LRRTM4: variants seen among roughly 807,000 people sequenced by gnomAD.
LRRTM4 encodes the protein leucine rich repeat transmembrane neuronal 4, also known as leucine-rich repeat transmembrane neuronal protein 4.
LRRTM4 carries 25 observed loss-of-function variants against 47.6 expected under a neutral mutation model. The ratio of observed to expected loss-of-function variants is 0.53; its 90% CI spans 0.38 to 0.73. LRRTM4 has a LOEUF of 0.73. LRRTM4 is among the 30% of genes least tolerant of loss of function. LRRTM4 has a pLI of 0.00. For missense variants in LRRTM4, 638 were observed against 713.4 expected (o/e 0.89, Z 1.20); for synonymous variants, 311 against 269.5 (o/e 1.15, Z -1.51).
intron 3 of LRRTM4, among the ~76,000 whole-genome samples, chr2:76,980,359 T>G (rs1676563454): frequency 6.6e-6 from 1 of 152,080 alleles, no homozygotes. Context: ...AATAAAAGTG[T>G]AGTGTCTTGT....
chr2:76,778,690 G>C (rs1310646367), intron 3 of LRRTM4, among the ~76,000 whole-genome samples: 11 of 150,912 alleles, frequency 7.3e-5, no homozygotes, highest in African/African-American at 2.2e-4. Flanking sequence ...TATCAATTTT[G>C]TTGATCCTTT....
intron 3 of LRRTM4, among the ~76,000 whole-genome samples, chr2:76,892,808 T>C (rs1673296529): frequency 6.6e-6 from 1 of 151,670 alleles, no homozygotes; most frequent in African/African-American, 2.4e-5. Context: ...CCCAAACACA[T>C]TTATTTCCTG....
At chr2:77,386,161 G>A (rs619530) in intron 3 of LRRTM4, among the ~76,000 whole-genome samples, 55,262 of 151,644 alleles carry the variant, frequency 0.36, 10,773 homozygotes, top group East Asian at 0.59. Context: ...AAAAATAATC[G>A]CATTTGAAGA....
chr2:77,232,409 G>A (rs193042638), intron 3 of LRRTM4, among the ~76,000 whole-genome samples: 46 of 152,204 alleles, frequency 3.0e-4, no homozygotes, highest in African/African-American at 9.9e-4. Context: ...AAAGTGTGAC[G>A]TCCACAGGGC....
intron 3 of LRRTM4, among the ~76,000 whole-genome samples, chr2:76,891,298 T>C (rs1673246789): frequency 6.6e-6 from 1 of 151,820 alleles, no homozygotes; most frequent in African/African-American, 2.4e-5. Context: ...CACCCGCTCC[T>C]CCTAAAAAGA....
At chr2:76,808,703 T>C (rs1463956794) in intron 3 of LRRTM4, among the ~76,000 whole-genome samples, 6 of 152,220 alleles carry the variant, frequency 3.9e-5, no homozygotes, top group Non-Finnish European at 7.3e-5. Flanking sequence ...AGGATGATTC[T>C]AGAATATGCC....
chr2:77,120,672 A>G (rs920946672), intron 3 of LRRTM4, among the ~76,000 whole-genome samples: 4 of 151,870 alleles, frequency 2.6e-5, no homozygotes, highest in Non-Finnish European at 4.4e-5. Flanking sequence ...ACTCAAGTCC[A>G]CTGAGAAATA....
intron 3 of LRRTM4, among the ~76,000 whole-genome samples, chr2:76,759,466 C>G (rs562861444): frequency 6.6e-6 from 1 of 152,100 alleles, no homozygotes; most frequent in Admixed American, 6.6e-5. Flanking sequence ...GCCCACTGAC[C>G]TTTTAGAGAC....
At chr2:77,229,648 C>T (rs908465815) in intron 3 of LRRTM4, among the ~76,000 whole-genome samples, 5 of 152,006 alleles carry the variant, frequency 3.3e-5, no homozygotes, top group East Asian at 1.9e-4. Context: ...AGAATCCCAC[C>T]GCTGCTCTCC....
At chr2:76,964,492 T>A (rs1482819222) in intron 3 of LRRTM4, among the ~76,000 whole-genome samples, 2 of 150,954 alleles carry the variant, frequency 1.3e-5, no homozygotes, top group Admixed American at 1.3e-4. Context: ...AATTTACCAA[T>A]TGTTTTTTTC....
At chr2:77,007,618 T>C (rs1012804595) in intron 3 of LRRTM4, among the ~76,000 whole-genome samples, 1 of 152,196 alleles carries the variant, frequency 6.6e-6, no homozygotes, top group African/African-American at 2.4e-5. Context: ...GTTACTAACT[T>C]GTACATTTGG....
At chr2:77,276,688 T>C (rs1212165220) in intron 3 of LRRTM4, among the ~76,000 whole-genome samples, 1 of 7,448 alleles carries the variant, frequency 1.3e-4, no homozygotes, top group Non-Finnish European at 2.7e-4. Flanking sequence ...TGTGTACGCA[T>C]ATATATATAT....
intron 3 of LRRTM4, among the ~76,000 whole-genome samples, chr2:77,192,879 T>C (rs1157831348): frequency 2.0e-5 from 3 of 152,188 alleles, no homozygotes; most frequent in Admixed American, 2.0e-4. Context: ...TAGCACAAAC[T>C]ATAAGCCGTG....
chr2:77,162,787 C>G (rs1220685548), intron 3 of LRRTM4, among the ~76,000 whole-genome samples: 1 of 152,126 alleles, frequency 6.6e-6, no homozygotes, highest in East Asian at 1.9e-4. Context: ...AACTAACAAA[C>G]AGAAAGGACA....
intron 3 of LRRTM4, among the ~76,000 whole-genome samples, chr2:76,972,068 T>C (rs2103942510): frequency 6.6e-6 from 1 of 152,104 alleles, no homozygotes; most frequent in South Asian, 2.1e-4. Context: ...AACCTGGTTG[T>C]TTCAGCATTT....
At chr2:77,443,763 A>G (rs560640129) in intron 3 of LRRTM4, among the ~76,000 whole-genome samples, 2 of 152,184 alleles carry the variant, frequency 1.3e-5, no homozygotes, top group Non-Finnish European at 2.9e-5. Context: ...AAAATATGAC[A>G]GCATCCCTAA....
intron 3 of LRRTM4, among the ~76,000 whole-genome samples, chr2:77,031,742 C>A (rs531386291): frequency 3.3e-5 from 5 of 151,930 alleles, no homozygotes; most frequent in South Asian, 4.2e-4. Context: ...TTTGTGTGTG[C>A]GTGTGTGTGA....
intron 3 of LRRTM4, among the ~76,000 whole-genome samples, chr2:76,879,977 G>A (rs910361121): frequency 6.6e-6 from 1 of 152,224 alleles, no homozygotes; most frequent in African/African-American, 2.4e-5. Flanking sequence ...ATGCATTGCT[G>A]CAATCTCATA....
chr2:77,069,633 G>C (rs1486338768), intron 3 of LRRTM4, among the ~76,000 whole-genome samples: 1 of 152,154 alleles, frequency 6.6e-6, no homozygotes, highest in Admixed American at 6.5e-5. Flanking sequence ...TGTATTTCAA[G>C]AGATTTGTCT....
Sources: gnomAD v4.1 joint callset for allele counts (sites outside exome capture counted in the v4.1 genomes callset) on GRCh38, gnomAD v4.1.1 for gene constraint, MANE v1.5 for transcripts, NCBI Gene and HGNC (gene_info 2026-07-23, HGNC 2026-07-21) for gene names.